The following USP35 variants were observed in gnomAD, a reference collection of about 807,000 sequenced individuals.
USP35 encodes ubiquitin carboxyl-terminal hydrolase 35.
Under a neutral mutation model 83.8 loss-of-function variants are expected in USP35, and 69 were observed. The ratio of observed to expected loss-of-function variants is 0.82; its 90% CI spans 0.68 to 1.01. The LOEUF is 1.01. Ranked by LOEUF, USP35 falls within the 50% of genes least tolerant of loss-of-function variation. The probability of loss-of-function intolerance (pLI) is 0.00; values close to 1 mark genes in which losing one functional copy is unlikely to be tolerated. For missense variants in USP35, 1,503 were observed against 1,362.5 expected, an observed-to-expected ratio of 1.10 and a Z score of -1.62; for synonymous variants, 714 against 589.5, an observed-to-expected ratio of 1.21 and a Z score of -3.06.
the USP35 span, chr11:78,226,519 T>C: frequency 6.3e-7 from 1 of 1,596,740 alleles, no homozygotes; most frequent in South Asian, 1.1e-5. Context: ...CTGGGGATGG[T>C]GGCAGCGACA....
chr11:78,208,304 TCTG>T (rs1461929272), intron 8 of USP35, among the ~76,000 whole-genome samples: 1 of 152,180 alleles, frequency 6.6e-6, no homozygotes, highest in African/African-American at 2.4e-5. Flanking sequence ...GTTGCTTCAT[TCTG>T]CTGTTATTTT....
intron 6 of USP35, among the ~76,000 whole-genome samples, chr11:78,201,520 A>C (rs765838352): frequency 1.3e-5 from 2 of 152,188 alleles, no homozygotes; most frequent in Non-Finnish European, 2.9e-5. Context: ...GAGAGCAGTG[A>C]GAAACCAGAG....
At chr11:78,212,470 G>C (rs1863824030) in intron 10 of USP35, among the ~76,000 whole-genome samples, 1 of 152,168 alleles carries the variant, frequency 6.6e-6, no homozygotes, top group Admixed American at 6.5e-5. Flanking sequence ...CTAATTCTGT[G>C]AATGTGAATG....
chr11:78,196,314 G>T lies in USP35; in HGVS notation c.69G>T (p.Arg23=). ...YPVSVKQGLV[R]RVLEAARQPL... is the part of the protein sequence containing the mutation. The stretch of plus-strand genomic sequence containing the variant: ...TCAGCGTGAAGCAGGGGCTGGTTCG[G>T]CGCGTGCTGGAGGCGGCGCGGCAGC... The change falls in exon 2 of 11, where the codon CGG becomes CGT. Residue 23 remains arginine, a synonymous_variant. Transcript: ENST00000529308. The surrounding 1 kb of genome is among the most constrained non-coding windows in gnomAD (Gnocchi z 4.8). 1 of 1,591,250 alleles carries T rather than the reference G, an allele frequency of 6.3e-7. No homozygotes were observed. Among genetic ancestry groups the T allele is most frequent in the Admixed American group, 1.7e-5 (1 of 59,536 alleles).
At position 78,209,681 on chromosome 11, in the gene USP35, G is replaced by A. The variant is rs201631220; in HGVS notation, c.1826G>A (p.Arg609His). 169 of 1,613,824 alleles carry A rather than the reference G, an allele frequency of 1.0e-4. 1 individual carries two copies. The highest frequency in any genetic ancestry group is 1.3e-4 in the Non-Finnish European group (155 of 1,179,854). Residue 609 changes from arginine (R) to histidine (H), a missense_variant, in exon 10 of 11, where the codon CGC becomes CAC. Coordinates refer to ENST00000529308, the MANE Select transcript of USP35 (RefSeq NM_020798.4). ...AFPPPERCRR[R>H]RLGSVMRPTE... is the part of the protein sequence containing the mutation. Reference sequence around the variant, plus strand: ...CCTCCTCCTGAGCGCTGTCGCCGCCGCCGCCTGGGCTCTGTGATGCGCCCC... The same window carrying A: ...CCTCCTCCTGAGCGCTGTCGCCGCCACCGCCTGGGCTCTGTGATGCGCCCC...
the USP35 span, among the ~76,000 whole-genome samples, chr11:78,230,531 C>T: frequency 6.6e-6 from 1 of 152,272 alleles, no homozygotes; most frequent in African/African-American, 2.4e-5. Flanking sequence ...TCGCAACACT[C>T]ACCTTATTCT....
intron 1 of USP35, among the ~76,000 whole-genome samples, chr11:78,194,739 C>G (rs570940654): frequency 6.6e-6 from 1 of 152,258 alleles, no homozygotes; most frequent in South Asian, 2.1e-4. Context: ...ATGACTCACA[C>G]TGCACCCTGC....
At chr11:78,207,879 A>G (rs185958751) in intron 8 of USP35, among the ~76,000 whole-genome samples, 24 of 152,312 alleles carry the variant, frequency 1.6e-4, no homozygotes, top group African/African-American at 5.8e-4. Context: ...CCATCGCATT[A>G]TGGTGTTGCC....
intron 1 of USP35, among the ~76,000 whole-genome samples, chr11:78,191,163 A>C (rs1376916147): frequency 7.3e-6 from 1 of 137,828 alleles, no homozygotes; most frequent in Non-Finnish European, 1.6e-5. Context: ...GTGTACACAC[A>C]CATACACACA....
Position 78,208,864 on chromosome 11 carries a change from C to T in USP35, c.1493C>T (p.Ala498Val). The T allele has an allele frequency of 6.2e-7, 1 of 1,614,160 alleles. No homozygotes were observed. The highest frequency in any genetic ancestry group is 1.1e-5 in the South Asian group (1 of 91,078). ...TCGCCTGCCTTGTCCTAGCGGCCTG[C>T]CATTTCCCCAGAGAACTTCCTCTCC... ...FGFLEHSQRP[A>V]ISPENFLSAS... Residue 498 changes from alanine (A) to valine (V), a missense_variant, in exon 9 of 11, where the codon GCC becomes GTC. By Grantham distance (64) the Ala-to-Val change is moderately conservative. Coordinates refer to ENST00000529308, the MANE Select transcript of USP35 (RefSeq NM_020798.4).
At chr11:78,234,582 A>G in the USP35 span, among the ~76,000 whole-genome samples, 5 of 147,944 alleles carry the variant, frequency 3.4e-5, no homozygotes, top group Admixed American at 2.7e-4. Context: ...ATAATTATAT[A>G]TATTTATATA....
chr11:78,210,116 G>T lies in USP35; in HGVS notation c.2261G>T (p.Gly754Val). The T allele has an allele frequency of 6.2e-7, 1 of 1,613,842 alleles. No homozygotes were observed. Among genetic ancestry groups the T allele is most frequent in the Non-Finnish European group, 8.5e-7 (1 of 1,179,886 alleles). Residue 754 changes from glycine to valine, a missense_variant, in exon 10 of 11, where the codon GGC becomes GTC. Transcript: ENST00000529308. ...ATCCCCTCCGGGGAGCGGACATGTG[G>T]CTCTGAGGGCTCCCGCTCCGTCCTG... ...AAIPSGERTCGSEGSRSVLDL... is the reference protein window; with the variant it reads ...AAIPSGERTCVSEGSRSVLDL...
At chr11:78,199,746 C>T (rs780424464) in intron 4 of USP35, 22 bp downstream of exon 4, 12 of 1,614,112 alleles carry the variant, frequency 7.4e-6, no homozygotes, top group Non-Finnish European at 9.3e-6. Flanking sequence ...TGTCCTAGCC[C>T]AGAGTTACAG....
the USP35 span, chr11:78,226,639 C>G: frequency 6.2e-7 from 1 of 1,613,952 alleles, no homozygotes. Context: ...GCTGAGTCCC[C>G]AGGAGTGGCC....
the USP35 span, among the ~76,000 whole-genome samples, chr11:78,227,631 C>CAAAAAAAAA: frequency 9.4e-4 from 100 of 106,040 alleles, no homozygotes; most frequent in African/African-American, 2.1e-3. Flanking sequence ...CCATTGCCAC[C>CAAAAAAAAA]AAAAAAAAAA....
At chr11:78,227,282 C>T in the USP35 span, among the ~76,000 whole-genome samples, 1 of 152,226 alleles carries the variant, frequency 6.6e-6, no homozygotes, top group African/African-American at 2.4e-5. Context: ...ATAACCCCCA[C>T]TCCCTGAACA....
chr11:78,198,072 G>A lies in USP35; in HGVS notation c.806+4G>A. The stretch of plus-strand genomic sequence containing the variant: ...AGATGCTGACTGCCATTAGCAGGTG[G>A]GACGCTGAGGCTGAGCCATGATCAG... On this transcript the variant is annotated splice_donor_region_variant and intron_variant, in intron 3 of 10. Transcript: ENST00000529308. The A allele has an allele frequency of 6.2e-7, 1 of 1,614,122 alleles. No individual in the cohort carries two copies. Among genetic ancestry groups the A allele is most frequent in the Non-Finnish European group, 8.5e-7 (1 of 1,180,006 alleles).
the USP35 span, chr11:78,223,474 G>C: frequency 6.2e-7 from 1 of 1,600,034 alleles, no homozygotes; most frequent in East Asian, 2.3e-5. Context: ...TCCTCTGCTG[G>C]GGCCTCGGTG....
At chr11:78,203,723 C>T (rs1250827302) in intron 6 of USP35, among the ~76,000 whole-genome samples, 3 of 150,606 alleles carry the variant, frequency 2.0e-5, no homozygotes, top group South Asian at 2.1e-4. Context: ...GGACTACAGG[C>T]GCCTGCCACC....
Sources: allele counts gnomAD v4.1 joint callset (sites outside exome capture counted in the v4.1 genomes callset), GRCh38; gene constraint gnomAD v4.1.1; non-coding constraint Gnocchi (gnomAD v3.1); transcripts MANE v1.5; gene names NCBI Gene and HGNC (gene_info 2026-07-23, HGNC 2026-07-21).